THAP9: variants seen among roughly 807,000 people sequenced by gnomAD.
THAP9 encodes THAP domain containing 9.
In THAP9, 20 loss-of-function variants were observed where a neutral mutation model predicts 35.7. The ratio of observed to expected loss-of-function variants is 0.56; its 90% CI spans 0.39 to 0.81. THAP9 has a LOEUF of 0.81. Among genes scored for constraint, THAP9 ranks in the 40% least tolerant of loss-of-function variants. The probability of loss-of-function intolerance (pLI) is 0.00; values close to 1 mark genes in which losing one functional copy is unlikely to be tolerated. For missense variants in THAP9, 870 were observed against 1,047.4 expected (o/e 0.83, Z 2.34); for synonymous variants, 335 against 373.7 (o/e 0.90, Z 1.19).
chr4:82,902,623 T>C (rs780350379), intron 1 of THAP9, among the ~76,000 whole-genome samples: 3 of 152,192 alleles, frequency 2.0e-5, no homozygotes, highest in African/African-American at 7.2e-5. Context: ...ACCCAATCTG[T>C]GGAAAAGCTC....
At chr4:82,916,884 A>G in intron 4 of THAP9, 60 bp from the exon 5 acceptor site, 1 of 1,438,220 alleles carries the variant, frequency 7.0e-7, no homozygotes, top group Non-Finnish European at 9.2e-7. Flanking sequence ...TGCTTAAGGC[A>G]TTTTCCCATT....
intron 4 of THAP9, among the ~76,000 whole-genome samples, chr4:82,914,688 A>C (rs1720981967): frequency 6.6e-6 from 1 of 152,160 alleles, no homozygotes; most frequent in African/African-American, 2.4e-5. Flanking sequence ...AATTTGTTTA[A>C]GTTTCTTACA....
chr4:82,908,939 C>T (rs1425996677), intron 4 of THAP9, among the ~76,000 whole-genome samples: 2 of 145,438 alleles, frequency 1.4e-5, no homozygotes, highest in Non-Finnish European at 3.0e-5. Context: ...GGGTCTTGCT[C>T]TGTCGCTCAG....
Position 82,904,868 on chromosome 4 carries a change from T to C in THAP9, c.213T>C (p.Phe71=). The stretch of plus-strand genomic sequence containing the variant: ...CCAAACATTTTCAAGAAAGTGACTT[T>C]GAGTCATATGGCATAAGAAGAAAGC... ...LCSKHFQESD[F]ESYGIRRKLK... The change falls in exon 2 of 5, where the codon TTT becomes TTC. Residue 71 remains phenylalanine (F), a synonymous_variant. Transcript: ENST00000302236. 6.2e-7 allele frequency: 1 copy of C among 1,614,042 alleles called. No individual in the cohort carries two copies. Among genetic ancestry groups the C allele is most frequent in the Non-Finnish European group, 8.5e-7 (1 of 1,179,992 alleles).
intron 4 of THAP9, among the ~76,000 whole-genome samples, chr4:82,911,075 G>A (rs572969319): frequency 5.3e-5 from 8 of 152,238 alleles, no homozygotes; most frequent in East Asian, 1.9e-4. Context: ...ATGTCCCAGC[G>A]TGTTCGCATG....
chr4:82,912,977 GA>G (rs1452023921), intron 4 of THAP9, among the ~76,000 whole-genome samples: 1 of 152,104 alleles, frequency 6.6e-6, no homozygotes, highest in Non-Finnish European at 1.5e-5. Flanking sequence ...ATACAATTTT[GA>G]AAATTATATC....
Position 82,917,523 on chromosome 4 carries a change from T to C in THAP9, c.1311T>C (p.Gly437=). The C allele has an allele frequency of 6.2e-7, 1 of 1,613,662 alleles. No individual in the cohort carries two copies. The highest frequency in any genetic ancestry group is 8.5e-7 in the Non-Finnish European group (1 of 1,179,558). The change falls in exon 5 of 5, where the codon GGT becomes GGC. Residue 437 remains glycine (G), a synonymous_variant. Coordinates refer to ENST00000302236, the MANE Select transcript of THAP9 (RefSeq NM_024672.6). ...TTCAAAGCATTCAGTTTATTAATGGTATAGCACATTGGCAGCACCTCGTGG... is the reference window on the plus strand; with the variant it reads ...TTCAAAGCATTCAGTTTATTAATGGCATAGCACATTGGCAGCACCTCGTGG... ...QNFQSIQFIN[G]IAHWQHLVEL...
At position 82,917,709 on chromosome 4, in the gene THAP9, A is replaced by G. The variant is rs1202134639; in HGVS notation, c.1497A>G (p.Pro499=). The change falls in exon 5 of 5, where the codon CCA becomes CCG. Residue 499 remains proline, a synonymous_variant. Coordinates refer to ENST00000302236, the MANE Select transcript of THAP9 (RefSeq NM_024672.6). ...ALEYLLSLDL[P]PFQNCIGTIH... is the part of the protein sequence containing the mutation. ...AATATTTGTTATCCTTAGACCTGCC[A>G]CCTTTTCAAAACTGTATTGGTACCA... 1 of 1,613,296 alleles carries G rather than the reference A, an allele frequency of 6.2e-7. No homozygotes were observed. Among genetic ancestry groups the G allele is most frequent in the Non-Finnish European group, 8.5e-7 (1 of 1,179,620 alleles).
At chr4:82,906,181 A>C (rs1485938222) in intron 2 of THAP9, 143 bp from the exon 3 acceptor site, 1 of 679,460 alleles carries the variant, frequency 1.5e-6, no homozygotes, top group African/African-American at 1.8e-5. Context: ...CTATACATTA[A>C]AACATTCAGA....
rs1388302844 is a variant in THAP9 at position 82,918,122 on chromosome 4, C to T, written c.1910C>T (p.Ala637Val). 1 of 1,614,132 alleles carries T rather than the reference C, an allele frequency of 6.2e-7. No individual in the cohort carries two copies. Among genetic ancestry groups the T allele is most frequent in the Non-Finnish European group, 8.5e-7 (1 of 1,179,996 alleles). Residue 637 changes from alanine (A) to valine (V), a missense_variant, in exon 5 of 5, where the codon GCT (alanine) becomes GTT (valine). Coordinates refer to ENST00000302236, the MANE Select transcript of THAP9 (RefSeq NM_024672.6). ...CCTACCTGCATGGCATTCCAGAAAG[C>T]TTACTATAATTTGGAGACCAGATAC... ...SSPTCMAFQK[A>V]YYNLETRYKF...
At chr4:82,904,057 CCTTTT>C (rs1396060003) in intron 1 of THAP9, among the ~76,000 whole-genome samples, 2,153 of 128,424 alleles carry the variant, frequency 0.017, 7 homozygotes, top group East Asian at 0.049. Flanking sequence ...TTAGGCTCCC[CCTTTT>C]TTTTTTTTTT....
intron 4 of THAP9, among the ~76,000 whole-genome samples, chr4:82,914,113 G>A (rs1720961221): frequency 6.6e-6 from 1 of 152,172 alleles, no homozygotes. Context: ...AGTTTGCTGA[G>A]GATAATAGCC....
rs536848455 is a variant in THAP9 at position 82,901,080 on chromosome 4, T to G, written c.80+198T>G. 24 of 731,708 alleles carry G rather than the reference T, an allele frequency of 3.3e-5. No homozygotes were observed. The South Asian group carries it at 3.6e-4, about 11-fold the overall frequency. The allele number at this position is 731,708 out of a possible 1,614,324, so 45.3% of individuals were successfully genotyped here. A position where few individuals can be genotyped will look rare whatever the true frequency, so the allele number is the denominator to read the frequency against. ...ATTCTCTCTCTTCCCGCCCAGTGTTTACCTCTGAATAGCCGGTTCTCGCAC... is the reference window on the plus strand; with the variant it reads ...ATTCTCTCTCTTCCCGCCCAGTGTTGACCTCTGAATAGCCGGTTCTCGCAC... On this transcript the variant is annotated intron_variant, in intron 1 of 4. Transcript: ENST00000302236.
chr4:82,900,757 A>C lies in THAP9; in HGVS notation c.-46A>C, dbSNP rs745966248. The C allele has an allele frequency of 1.9e-6, 3 of 1,602,798 alleles. No homozygotes were observed. In the South Asian group the frequency reaches 3.3e-5, roughly 18 times the overall value. On this transcript the variant is annotated 5_prime_UTR_variant, in exon 1 of 5. An upstream start codon of the reference 5' UTR is lost. Transcript: ENST00000302236. ...GGCGGAGCTAAAGTGGTCGTGATTC[A>C]TGCTGTCGCGGGAACCCCGAAGGTG...
At chr4:82,901,499 AAGG>A (rs1299721784) in intron 1 of THAP9, among the ~76,000 whole-genome samples, 1 of 152,146 alleles carries the variant, frequency 6.6e-6, no homozygotes, top group Non-Finnish European at 1.5e-5. Context: ...TCACAGACAA[AAGG>A]AGCAGATTTA....
chr4:82,901,023 G>T, intron 1 of THAP9, 141 bp downstream of exon 1: 1 of 1,031,618 alleles, frequency 9.7e-7, no homozygotes, highest in South Asian at 1.4e-5. Context: ...GTCGGGGCGT[G>T]GGAGCGGAAT....
At chr4:82,913,397 C>T (rs1720931287) in intron 4 of THAP9, 1 of 151,896 alleles carries the variant, frequency 6.6e-6, no homozygotes, top group Non-Finnish European at 1.5e-5. Flanking sequence ...ATATATGTAC[C>T]ACATATGCAA....
rs781637926 is a variant in THAP9 at position 82,906,342 on chromosome 4, C to T, written c.295C>T (p.Leu99Phe). The T allele has an allele frequency of 6.1e-5, 98 of 1,600,380 alleles. No individual in the cohort carries two copies. The highest frequency in any genetic ancestry group is 7.0e-5 in the Non-Finnish European group (82 of 1,173,338). The part of the protein sequence containing the change: ...SLYKIPQGVH[L>F]KGKARQKILK... ...GTCATAGATTCCTCAAGGTGTACAT[C>T]TTAAAGGTAAAGCAAGACAAAAAAT... Residue 99 changes from leucine to phenylalanine, a missense_variant, in exon 3 of 5, where the codon CTT (leucine) becomes TTT (phenylalanine). By Grantham distance (22) the Leu-to-Phe change is conservative (BLOSUM62 0). This residue lies in a region of THAP9 where 440 missense variants were observed against 501.2 expected (regional missense o/e 0.88). Transcript: ENST00000302236.
chr4:82,906,120 A>C (rs1409687031), intron 2 of THAP9, among the ~76,000 whole-genome samples: 1 of 147,082 alleles, frequency 6.8e-6, no homozygotes, highest in Non-Finnish European at 1.5e-5. Flanking sequence ...CATCATATTA[A>C]TATTTCTGTG....
Sources: gnomAD v4.1 joint callset for allele counts (sites outside exome capture counted in the v4.1 genomes callset) on GRCh38, gnomAD v4.1.1 for gene constraint, gnomAD v4.1.1 regional missense constraint, MANE v1.5 for transcripts, NCBI Gene and HGNC (gene_info 2026-07-23, HGNC 2026-07-21) for gene names.